The following CPPED1 variants were observed in gnomAD, a reference collection of about 807,000 sequenced individuals.
The protein encoded by CPPED1 is calcineurin like phosphoesterase domain containing 1.
CPPED1 carries 28 observed loss-of-function variants against 28.0 expected under a neutral mutation model. That is an observed-to-expected ratio of 1.00 (90% CI 0.74 to 1.37). CPPED1 has a LOEUF of 1.37. CPPED1 is among the 40% of genes most tolerant of loss of function. CPPED1 has a pLI of 0.00. For missense variants in CPPED1, 504 were observed against 416.5 expected, an observed-to-expected ratio of 1.21 and a Z score of -1.83; for synonymous variants, 198 against 180.2, an observed-to-expected ratio of 1.10 and a Z score of -0.79.
chr16:12,781,064 C>G (rs934073217), intron 2 of CPPED1, 121 bp downstream of exon 2: 1 of 752,998 alleles, frequency 1.3e-6, no homozygotes, highest in Non-Finnish European at 2.2e-6. Context: ...AATCATGAAG[C>G]GAAAGAACGG....
intron 3 of CPPED1, among the ~76,000 whole-genome samples, chr16:12,679,639 T>C (rs984991992): frequency 6.6e-6 from 1 of 152,182 alleles, no homozygotes; most frequent in African/African-American, 2.4e-5. Flanking sequence ...CGACAATGTA[T>C]CTTTTACTTA....
At chr16:12,744,552 T>G (rs1385872216) in intron 2 of CPPED1, among the ~76,000 whole-genome samples, 1 of 152,120 alleles carries the variant, frequency 6.6e-6, no homozygotes, top group Non-Finnish European at 1.5e-5. Context: ...AGGACGCTAG[T>G]GAGACAGGCC....
At chr16:12,797,655 C>A (rs1255302517) in intron 1 of CPPED1, among the ~76,000 whole-genome samples, 1 of 152,172 alleles carries the variant, frequency 6.6e-6, no homozygotes, top group African/African-American at 2.4e-5. Context: ...AACGGAAGAA[C>A]TGTCTTGGGC....
chr16:12,733,151 A>T (rs2080207976), intron 2 of CPPED1, among the ~76,000 whole-genome samples: 1 of 152,224 alleles, frequency 6.6e-6, no homozygotes, highest in South Asian at 2.1e-4. Flanking sequence ...AACCACAACA[A>T]ATAAAGCATG....
chr16:12,766,706 T>A (rs1187761091), intron 2 of CPPED1, among the ~76,000 whole-genome samples: 2 of 152,074 alleles, frequency 1.3e-5, no homozygotes, highest in South Asian at 4.1e-4. Context: ...GGGGCGCAGG[T>A]TGCAGTGAGC....
chr16:12,798,855 T>C (rs766454365), intron 1 of CPPED1, among the ~76,000 whole-genome samples: 4 of 152,210 alleles, frequency 2.6e-5, no homozygotes, highest in Non-Finnish European at 5.9e-5. Flanking sequence ...ATTTGCCTAA[T>C]TAAAATGAAT....
intron 3 of CPPED1, among the ~76,000 whole-genome samples, chr16:12,681,166 T>C (rs1454688275): frequency 1.4e-5 from 2 of 144,486 alleles, no homozygotes; most frequent in Non-Finnish European, 3.0e-5. Flanking sequence ...ATTATTTCAA[T>C]GTGCCCCCCA....
chr16:12,800,492 C>A (rs2080652883), intron 1 of CPPED1, among the ~76,000 whole-genome samples: 1 of 151,926 alleles, frequency 6.6e-6, no homozygotes, highest in Admixed American at 6.6e-5. Flanking sequence ...CTGGACAAAT[C>A]CTTGAGCTCC....
intron 2 of CPPED1, among the ~76,000 whole-genome samples, chr16:12,716,477 G>T (rs1473922328): frequency 1.3e-5 from 2 of 152,182 alleles, no homozygotes; most frequent in Non-Finnish European, 2.9e-5. Flanking sequence ...AGAGATTCTG[G>T]GGTGTCAGAT....
At chr16:12,689,657 C>T (rs1341676011) in intron 3 of CPPED1, among the ~76,000 whole-genome samples, 2 of 152,034 alleles carry the variant, frequency 1.3e-5, no homozygotes, top group East Asian at 3.9e-4. Flanking sequence ...ACTAAAGATG[C>T]AGGATTTCAC....
At position 12,670,721 on chromosome 16, in the gene CPPED1, C is replaced by G. The variant is rs896525999; in HGVS notation, c.716-5606G>C. ...AGACACATTGTATCAAATACCTGAC[C>G]AGCACTCCTCAAAACTGTCATCAAA... On this transcript the variant is annotated intron_variant, in intron 3 of 3. Coordinates refer to ENST00000381774, the MANE Select transcript of CPPED1 (RefSeq NM_018340.3). This position sits in a 1 kb window ranked among gnomAD's most constrained non-coding sequence, Gnocchi z 4.2. Among the ~76,000 whole-genome samples the G allele has an allele frequency of 6.6e-6, 1 of 152,158 alleles. No individual in the cohort carries two copies. Among genetic ancestry groups the G allele is most frequent in the Admixed American group, 6.6e-5 (1 of 15,262 alleles).
At chr16:12,704,141 T>C (rs2080035274) in intron 3 of CPPED1, among the ~76,000 whole-genome samples, 1 of 152,180 alleles carries the variant, frequency 6.6e-6, no homozygotes, top group African/African-American at 2.4e-5. Context: ...TTAAAGATCG[T>C]CTGCCCTTGA....
chr16:12,745,587 C>T (rs2080281692), intron 2 of CPPED1, among the ~76,000 whole-genome samples: 1 of 152,170 alleles, frequency 6.6e-6, no homozygotes, highest in African/African-American at 2.4e-5. Flanking sequence ...AAACCAAATA[C>T]CGCATGTTCT....
intron 2 of CPPED1, chr16:12,753,333 TCAACGCATCTCA>T (rs1567296389): frequency 1.3e-5 from 2 of 152,168 alleles, no homozygotes; most frequent in African/African-American, 4.8e-5. Flanking sequence ...TATTTTGATG[TCAACGCATCTCA>T]TTCAAGAGCT....
At chr16:12,710,018 G>A (rs1222776531) in intron 2 of CPPED1, among the ~76,000 whole-genome samples, 1 of 150,970 alleles carries the variant, frequency 6.6e-6, no homozygotes, top group Non-Finnish European at 1.5e-5. Context: ...GGAAGGAAGG[G>A]AGGGAAGGAA....
chr16:12,678,491 G>A lies in CPPED1; in HGVS notation c.716-13376C>T, dbSNP rs186997937. ...TTTGTTGAATCTGTCGCTCAATCGG[G>A]GGGGAAATGCCGTATTAACATTGGC... On this transcript the variant is annotated intron_variant, in intron 3 of 3. Transcript: ENST00000381774. 5.4e-3 allele frequency among the ~76,000 whole-genome samples: 822 copies of A among 152,248 alleles called. 7 individuals are homozygous for A. Among genetic ancestry groups the A allele is most frequent in the African/African-American group, 0.019 (785 of 41,538 alleles).
chr16:12,782,546 G>GT (rs35357238), intron 1 of CPPED1, among the ~76,000 whole-genome samples: 64,229 of 138,596 alleles, frequency 0.46, 15,245 homozygotes, highest in South Asian at 0.73. Flanking sequence ...CCTTGAGGCT[G>GT]TTTTTTTTTT....
At chr16:12,676,865 T>C (rs1167326143) in intron 3 of CPPED1, among the ~76,000 whole-genome samples, 1 of 152,188 alleles carries the variant, frequency 6.6e-6, no homozygotes, top group Non-Finnish European at 1.5e-5. Flanking sequence ...AATTCCTCCA[T>C]GAAGGAGGCA....
At chr16:12,779,165 T>C (rs1450203387) in intron 2 of CPPED1, among the ~76,000 whole-genome samples, 2 of 152,138 alleles carry the variant, frequency 1.3e-5, no homozygotes, top group African/African-American at 4.8e-5. Flanking sequence ...CCTATAACAT[T>C]CTGTTTTTAA....
Sources: allele counts gnomAD v4.1 joint callset (sites outside exome capture counted in the v4.1 genomes callset), GRCh38; gene constraint gnomAD v4.1.1; non-coding constraint Gnocchi (gnomAD v3.1); transcripts MANE v1.5; gene names NCBI Gene and HGNC (gene_info 2026-07-23, HGNC 2026-07-21).